CDKL5: variants seen among roughly 807,000 people sequenced by gnomAD.
The protein encoded by CDKL5 is cyclin dependent kinase like 5.
CDKL5 carries 8 observed loss-of-function variants against 61.7 expected under a neutral mutation model. The observed-to-expected ratio is 0.13, with a 90% CI of 0.08 to 0.23. CDKL5 has a LOEUF of 0.23. Ranked by LOEUF, CDKL5 falls within the 10% of genes least tolerant of loss-of-function variation. CDKL5 has a pLI of 1.00. For synonymous variants in CDKL5, 275 were observed against 272.3 expected, an observed-to-expected ratio of 1.01 and a Z score of -0.10; for missense variants, 440 against 734.5, an observed-to-expected ratio of 0.60 and a Z score of 4.63.
In CDKL5 at chrX:18,579,432, C is replaced by T. The variant is rs1278425214; in HGVS notation, c.283-416C>T. On this transcript the variant is annotated intron_variant, in intron 5 of 17. Transcript: ENST00000623535. ...TACTAAGAATATTTCGTGGATCTTC[C>T]AGGTGTATTTTCAAGGCTTGATTTT... 1.8e-5 allele frequency among the ~76,000 whole-genome samples: 2 copies of T among 109,812 alleles called. 1 individual carries two copies. Among genetic ancestry groups the T allele is most frequent in the Non-Finnish European group, 3.8e-5 (2 of 52,611 alleles).
chrX:18,480,577 T>C (rs981177441), intron 1 of CDKL5, among the ~76,000 whole-genome samples: 5 of 111,478 alleles, frequency 4.5e-5, no homozygotes, highest in African/African-American at 1.3e-4. Flanking sequence ...TTATTGAAGA[T>C]GGGGTATTTA....
intron 9 of CDKL5, among the ~76,000 whole-genome samples, chrX:18,589,989 A>AT (rs1327484049): frequency 9.0e-6 from 1 of 110,896 alleles, no homozygotes; most frequent in Non-Finnish European, 1.9e-5. Flanking sequence ...GAGTAGTTTG[A>AT]TTTTTTCTTG....
intron 11 of CDKL5, among the ~76,000 whole-genome samples, chrX:18,598,948 G>C (rs760005536): frequency 3.0e-4 from 34 of 111,753 alleles, no homozygotes; most frequent in East Asian, 8.4e-4. Flanking sequence ...AGAAAGCTGG[G>C]TGAAGGCAAG....
At chrX:18,454,209 A>G (rs921219924) in intron 1 of CDKL5, among the ~76,000 whole-genome samples, 2 of 110,854 alleles carry the variant, frequency 1.8e-5, no homozygotes, top group Non-Finnish European at 3.8e-5. Context: ...ACATATAACT[A>G]TTTTGCCATA....
intron 1 of CDKL5, among the ~76,000 whole-genome samples, chrX:18,497,988 A>T (rs924754730): frequency 1.7e-4 from 16 of 91,719 alleles, no homozygotes; most frequent in African/African-American, 6.0e-4. Context: ...CCAGCTAATT[A>T]AAAAAAAAAA....
At chrX:18,449,113 C>T (rs1266011179) in intron 1 of CDKL5, among the ~76,000 whole-genome samples, 1 of 112,166 alleles carries the variant, frequency 8.9e-6, no homozygotes, top group African/African-American at 3.2e-5. Flanking sequence ...CCTTGGCCTC[C>T]CAAAGTGCTG....
intron 1 of CDKL5, among the ~76,000 whole-genome samples, chrX:18,498,295 CAA>C (rs1366791383): frequency 8.9e-6 from 1 of 112,111 alleles, no homozygotes; most frequent in Non-Finnish European, 1.9e-5. Flanking sequence ...ATAAAAGAAA[CAA>C]TGCTGTTGTA....
chrX:18,433,491 G>A (rs1203440316), intron 1 of CDKL5, among the ~76,000 whole-genome samples: 2 of 111,652 alleles, frequency 1.8e-5, no homozygotes, highest in African/African-American at 3.3e-5. Flanking sequence ...TGGAGGTTGC[G>A]GTGAGCCGAG....
chrX:18,545,169 G>A (rs969456455), intron 3 of CDKL5, among the ~76,000 whole-genome samples: 2 of 110,252 alleles, frequency 1.8e-5, no homozygotes, highest in African/African-American at 6.6e-5. Context: ...TGGGGATGTC[G>A]AGGCTGCAGT....
chrX:18,591,590 G>A (rs1925832704), intron 9 of CDKL5, among the ~76,000 whole-genome samples: 1 of 111,438 alleles, frequency 9.0e-6, no homozygotes, highest in Non-Finnish European at 1.9e-5. Flanking sequence ...TACTGATAAA[G>A]TTTAAACTCT....
intron 11 of CDKL5, among the ~76,000 whole-genome samples, chrX:18,599,957 T>G (rs895373044): frequency 3.6e-5 from 4 of 111,449 alleles, no homozygotes; most frequent in African/African-American, 9.8e-5. Flanking sequence ...CTTAGCCTCC[T>G]GAGTAGCTGG....
rs786204955 is a variant in CDKL5, at chrX:18,579,898, A to G, written c.333A>G (p.Lys111=). Residue 111 remains lysine, a synonymous_variant, in exon 6 of 18, where the codon AAA becomes AAG. Coordinates refer to ENST00000623535, the MANE Select transcript of CDKL5 (RefSeq NM_001323289.2). ...EEMPNGVPPE[K]VKSYIYQLIK... ...TGCCAAATGGAGTTCCACCTGAGAA[A>G]GTAAAAAGCTACATCTATCAGCTAA... 2.5e-6 allele frequency: 3 copies of G among 1,200,562 alleles called. No homozygotes were observed. The highest frequency in any genetic ancestry group is 1.8e-5 in the South Asian group (1 of 56,699).
chrX:18,462,866 A>G (rs1932321269), intron 1 of CDKL5, among the ~76,000 whole-genome samples: 1 of 110,341 alleles, frequency 9.1e-6, no homozygotes, highest in African/African-American at 3.3e-5. Flanking sequence ...TCTACTAAAA[A>G]TACAAAAATT....
intron 1 of CDKL5, among the ~76,000 whole-genome samples, chrX:18,434,696 G>A (rs1288171339): frequency 1.8e-5 from 2 of 112,124 alleles, no homozygotes; most frequent in Non-Finnish European, 3.8e-5. Context: ...GGGAGGCCAA[G>A]GTGGGCGGAT....
At chrX:18,617,225 G>A (rs1485098441) in intron 15 of CDKL5, among the ~76,000 whole-genome samples, 1 of 111,712 alleles carries the variant, frequency 9.0e-6, no homozygotes, top group African/African-American at 3.3e-5. Context: ...TCCCATGCCT[G>A]TGTGCCTGCT....
downstream of CDKL5, chrX:18,640,772 G>A (rs1403442061): frequency 1.8e-5 from 2 of 112,236 alleles, no homozygotes; most frequent in Non-Finnish European, 3.8e-5. Context: ...GAGCAGCCTC[G>A]TCCTCTGATT....
intron 20 of CDKL5, chrX:18,646,213 A>G: frequency 2.8e-6 from 3 of 1,069,806 alleles, no homozygotes; most frequent in Non-Finnish European, 3.8e-6. Flanking sequence ...GTGCAGTGGC[A>G]CACAATCTCG....
chrX:18,590,053 G>C (rs1925777685), intron 9 of CDKL5, among the ~76,000 whole-genome samples: 1 of 111,581 alleles, frequency 9.0e-6, no homozygotes, highest in Admixed American at 9.6e-5. Context: ...TGTCAGATGG[G>C]TAGATTGCAA....
At chrX:18,438,011 A>G (rs1286744394) in intron 1 of CDKL5, among the ~76,000 whole-genome samples, 2 of 112,225 alleles carry the variant, frequency 1.8e-5, no homozygotes, top group Admixed American at 1.9e-4. Context: ...TTCCTTGGAA[A>G]TCTACATAGT....
Sources: gnomAD v4.1 joint callset for allele counts (sites outside exome capture counted in the v4.1 genomes callset) on GRCh38, gnomAD v4.1.1 for gene constraint, MANE v1.5 for transcripts, NCBI Gene and HGNC (gene_info 2026-07-23, HGNC 2026-07-21) for gene names.